Variants in TAFA2 observed in about 807,000 individuals in gnomAD.
TAFA2 encodes the protein TAFA chemokine like family member 2, also known as chemokine-like protein TAFA-2.
In TAFA2, 7 loss-of-function variants were observed where a neutral mutation model predicts 18.8. That is an observed-to-expected ratio of 0.37 (90% confidence interval 0.21 to 0.70). TAFA2 has a LOEUF of 0.70. TAFA2 is among the 30% of genes least tolerant of loss of function. The pLI is 0.53. For synonymous variants in TAFA2, 60 were observed against 54.2 expected (o/e 1.11, Z -0.47); for missense variants, 122 against 158.1 (o/e 0.77, Z 1.23).
chr12:61,927,069 G>GAAAAAAAAA (rs56908081), intron 1 of TAFA2, among the ~76,000 whole-genome samples: 1 of 69,904 alleles, frequency 1.4e-5, no homozygotes. Flanking sequence ...GTGAGACTCT[G>GAAAAAAAAA]AAAAAAAAAA....
intron 2 of TAFA2, among the ~76,000 whole-genome samples, chr12:61,788,846 TA>T (rs1350427623): frequency 3.3e-5 from 5 of 151,756 alleles, no homozygotes; most frequent in Non-Finnish European, 7.4e-5. Flanking sequence ...GGAAAAAATA[TA>T]AAATCTGAAC....
At chr12:62,106,340 GAACAAAA>G (rs953728946) in intron 1 of TAFA2, among the ~76,000 whole-genome samples, 7 of 150,812 alleles carry the variant, frequency 4.6e-5, no homozygotes, top group Admixed American at 6.6e-5. Context: ...TCTCAAAAAA[GAACAAAA>G]AACAAAAAAC....
At chr12:61,746,448 T>C (rs573225802) in intron 4 of TAFA2, among the ~76,000 whole-genome samples, 2 of 152,196 alleles carry the variant, frequency 1.3e-5, no homozygotes, top group Admixed American at 1.3e-4. Flanking sequence ...GTCCTACATT[T>C]GCAAACAAAC....
chr12:62,127,418 T>G (rs572496853), intron 1 of TAFA2, among the ~76,000 whole-genome samples: 4 of 152,212 alleles, frequency 2.6e-5, no homozygotes, highest in Admixed American at 2.6e-4. Flanking sequence ...ATTCTTGTTG[T>G]TGAGTTATAT....
chr12:62,248,410 C>T (rs1464813204), intron 1 of TAFA2, among the ~76,000 whole-genome samples: 2 of 152,228 alleles, frequency 1.3e-5, no homozygotes, highest in African/African-American at 4.8e-5. Context: ...GAATTTTTCA[C>T]TGTGGGCACG....
intron 4 of TAFA2, among the ~76,000 whole-genome samples, chr12:61,726,600 A>G (rs1870178246): frequency 1.3e-5 from 2 of 151,962 alleles, no homozygotes; most frequent in African/African-American, 2.4e-5. Context: ...CTGAAACTTT[A>G]CTGAGTTCAT....
intron 1 of TAFA2, among the ~76,000 whole-genome samples, chr12:61,955,578 G>A (rs1878624946): frequency 9.3e-6 from 1 of 108,008 alleles, no homozygotes; most frequent in African/African-American, 3.6e-5. Flanking sequence ...CTCCAGCCTG[G>A]CGACACAGCA....
At chr12:62,060,159 G>T (rs897626015) in intron 1 of TAFA2, among the ~76,000 whole-genome samples, 1 of 152,132 alleles carries the variant, frequency 6.6e-6, no homozygotes, top group Non-Finnish European at 1.5e-5. Context: ...ACCCACTTTG[G>T]GTGGGCTTTA....
intron 1 of TAFA2, among the ~76,000 whole-genome samples, chr12:62,032,699 T>C (rs543504024): frequency 2.0e-5 from 3 of 152,158 alleles, no homozygotes; most frequent in African/African-American, 7.2e-5. Flanking sequence ...GGCTCCTTTT[T>C]AAACAAGGCA....
intron 1 of TAFA2, among the ~76,000 whole-genome samples, chr12:62,111,583 G>A (rs887346637): frequency 3.9e-5 from 6 of 152,294 alleles, no homozygotes; most frequent in Non-Finnish European, 7.4e-5. Flanking sequence ...TACTGACAGT[G>A]TGGTATTAAA....
chr12:62,039,954 G>A (rs1277782596), intron 1 of TAFA2, among the ~76,000 whole-genome samples: 1 of 152,154 alleles, frequency 6.6e-6, no homozygotes, highest in African/African-American at 2.4e-5. Flanking sequence ...ACCACACTTT[G>A]AGTGGCATTC....
intron 1 of TAFA2, among the ~76,000 whole-genome samples, chr12:62,040,639 AC>A (rs1881732356): frequency 6.6e-6 from 1 of 152,012 alleles, no homozygotes; most frequent in Non-Finnish European, 1.5e-5. Context: ...TTGATTTTGA[AC>A]TTCTGGCCTC....
intron 1 of TAFA2, among the ~76,000 whole-genome samples, chr12:61,971,483 A>G (rs970946130): frequency 6.6e-6 from 1 of 151,678 alleles, no homozygotes; most frequent in African/African-American, 2.4e-5. Context: ...AACTTAAAGT[A>G]TAATAAAAAA....
chr12:62,021,994 G>T (rs1881157217), intron 1 of TAFA2: 3 of 674,206 alleles, frequency 4.4e-6, no homozygotes, highest in South Asian at 1.4e-5. Flanking sequence ...CAGAGACTCT[G>T]CCTGGGCAAT....
chr12:61,983,763 GA>G (rs1451972652), intron 1 of TAFA2, among the ~76,000 whole-genome samples: 4 of 152,168 alleles, frequency 2.6e-5, no homozygotes. Flanking sequence ...TCTCAGAGCT[GA>G]AAATGAGCTT....
At position 62,244,139 on chromosome 12, in the gene TAFA2, A is replaced by G. The variant is rs555987566; in HGVS notation, c.-130+14624T>C. 3.3e-5 allele frequency among the ~76,000 whole-genome samples: 5 copies of G among 151,584 alleles called. No individual in the cohort carries two copies. The South Asian group carries it at 8.3e-4, about 25-fold the overall frequency. ...GTATTGTATGCTCATTAAGAAAATT[A>G]AGAAAAACAAAGAAAACTAAAAAGA... On this transcript the variant is annotated intron_variant, in intron 1 of 5. Coordinates refer to the TAFA2 transcript ENST00000551619.
chr12:61,732,389 G>A (rs1334767710), intron 4 of TAFA2, among the ~76,000 whole-genome samples: 3 of 152,100 alleles, frequency 2.0e-5, no homozygotes, highest in Non-Finnish European at 4.4e-5. Context: ...ATCTTACTGT[G>A]CTACCACGTT....
Position 61,974,686 on chromosome 12 carries a change from A to G in TAFA2, c.-1-107260T>C, listed in dbSNP as rs546128745. ...CTGTACAATGCTCAAGGCAGAATGT[A>G]ATCCAGTCTCCACAGCACATGTGAT... On this transcript the variant is annotated intron_variant, in intron 1 of 4. Coordinates refer to ENST00000416284, the MANE Select transcript of TAFA2 (RefSeq NM_178539.5). Among the ~76,000 whole-genome samples, 3 of 151,946 alleles carry G rather than the reference A, an allele frequency of 2.0e-5. No homozygotes were observed. In the East Asian group the frequency reaches 5.8e-4, roughly 29 times the overall value.
At chr12:62,024,648 A>G (rs558812583) in intron 1 of TAFA2, among the ~76,000 whole-genome samples, 4 of 152,288 alleles carry the variant, frequency 2.6e-5, no homozygotes, top group South Asian at 2.1e-4. Flanking sequence ...TGCACAGTAT[A>G]AGAAACCATC....
Sources: gnomAD v4.1 joint callset for allele counts (sites outside exome capture counted in the v4.1 genomes callset) on GRCh38, gnomAD v4.1.1 for gene constraint, MANE v1.5 for transcripts, NCBI Gene and HGNC (gene_info 2026-07-23, HGNC 2026-07-21) for gene names.